Variants in SYT9 observed in about 807,000 individuals in gnomAD.
SYT9 encodes synaptotagmin 9, also known as synaptotagmin-9.
A neutral mutation model predicts 48.4 loss-of-function variants in SYT9; 22 were observed. The observed-to-expected ratio is 0.45, with a 90% CI of 0.32 to 0.65. The LOEUF is 0.65. SYT9 is among the 30% of genes least tolerant of loss of function. The pLI is 0.03. For synonymous variants in SYT9, 265 were observed against 245.0 expected (o/e 1.08, Z -0.76); for missense variants, 577 against 622.0 (o/e 0.93, Z 0.77).
At chr11:7,248,806 A>G (rs567264354), upstream of SYT9, among the ~76,000 whole-genome samples, 79 of 152,330 alleles carry the variant, frequency 5.2e-4, no homozygotes, top group Non-Finnish European at 6.9e-4. Flanking sequence ...TACCACCATC[A>G]TTCTTCATAA....
chr11:7,302,895 T>C (rs1369996654), intron 1 of SYT9, 144 bp from the exon 2 acceptor site: 4 of 682,656 alleles, frequency 5.9e-6, no homozygotes, highest in Non-Finnish European at 7.6e-6. Context: ...CAGAATTAAG[T>C]AACCCAGCCA....
At chr11:7,296,654 T>A (rs1174076559) in intron 1 of SYT9, among the ~76,000 whole-genome samples, 3 of 152,182 alleles carry the variant, frequency 2.0e-5, no homozygotes, top group Non-Finnish European at 2.9e-5. Flanking sequence ...AATATTATCT[T>A]TTTAAATTGC....
intron 3 of SYT9, among the ~76,000 whole-genome samples, chr11:7,390,468 C>T (rs1034360375): frequency 3.3e-5 from 5 of 151,998 alleles, no homozygotes; most frequent in African/African-American, 9.7e-5. Flanking sequence ...TTTTAAGAAA[C>T]GGTAGCAGTT....
intron 6 of SYT9, among the ~76,000 whole-genome samples, chr11:7,460,741 T>A (rs187709503): frequency 6.6e-6 from 1 of 152,322 alleles, no homozygotes; most frequent in Admixed American, 6.5e-5. Context: ...AGCATTTAGC[T>A]TAAAAACAAA....
intron 6 of SYT9, among the ~76,000 whole-genome samples, chr11:7,421,503 C>A (rs1177305716): frequency 2.0e-5 from 3 of 152,142 alleles, no homozygotes; most frequent in Non-Finnish European, 1.5e-5. Context: ...TCAATGTGTC[C>A]AACTAAAAAC....
intron 3 of SYT9, among the ~76,000 whole-genome samples, chr11:7,328,124 T>C (rs1849468348): frequency 6.6e-6 from 1 of 151,626 alleles, no homozygotes; most frequent in African/African-American, 2.4e-5. Flanking sequence ...TTTCTTTTAG[T>C]TTTGTCTTGT....
At chr11:7,398,820 C>G (rs72846039) in intron 3 of SYT9, among the ~76,000 whole-genome samples, 10,665 of 152,172 alleles carry the variant, frequency 0.07, 478 homozygotes, top group Middle Eastern at 0.17. Context: ...TCAAAACATA[C>G]AGCACACAAT....
At chr11:7,349,158 T>C (rs1849860056) in intron 3 of SYT9, among the ~76,000 whole-genome samples, 1 of 151,924 alleles carries the variant, frequency 6.6e-6, no homozygotes, top group Non-Finnish European at 1.5e-5. Context: ...CTCTCTTTAC[T>C]GGGGATTAAA....
At chr11:7,308,578 G>C (rs929133777) in intron 2 of SYT9, among the ~76,000 whole-genome samples, 1 of 152,186 alleles carries the variant, frequency 6.6e-6, no homozygotes, top group African/African-American at 2.4e-5. Flanking sequence ...CCTTATTGAC[G>C]TCTACAGCAT....
intron 1 of SYT9, among the ~76,000 whole-genome samples, chr11:7,261,026 G>T (rs984880139): frequency 2.6e-5 from 4 of 152,228 alleles, no homozygotes; most frequent in Non-Finnish European, 5.9e-5. Context: ...TGGCAGGCCT[G>T]CCTAGTGCCC....
chr11:7,355,886 G>A (rs1238951661), intron 3 of SYT9, among the ~76,000 whole-genome samples: 2 of 152,224 alleles, frequency 1.3e-5, no homozygotes, highest in Non-Finnish European at 2.9e-5. Context: ...TATACCAGGA[G>A]CTCATTGGTG....
At chr11:7,453,840 A>G (rs945678799) in intron 6 of SYT9, among the ~76,000 whole-genome samples, 10 of 152,186 alleles carry the variant, frequency 6.6e-5, no homozygotes, top group Non-Finnish European at 1.0e-4. Flanking sequence ...AACGAGAGGT[A>G]GAGTTGTAGG....
upstream of SYT9, among the ~76,000 whole-genome samples, chr11:7,249,228 C>A (rs532453803): frequency 1.6e-4 from 25 of 152,338 alleles, no homozygotes; most frequent in South Asian, 5.2e-3. Context: ...GATATTCTTT[C>A]TCCACATTGT....
At chr11:7,285,285 C>T (rs1041930273) in intron 1 of SYT9, among the ~76,000 whole-genome samples, 3 of 152,144 alleles carry the variant, frequency 2.0e-5, no homozygotes, top group African/African-American at 7.2e-5. Context: ...AGGAAACTTA[C>T]AATCATGGCA....
rs1435902111 is a variant in SYT9 at position 7,276,891 on chromosome 11, C to T, written c.145+24560C>T. Reference sequence around the variant, plus strand: ...CGAAACCTCATCTCTACTAAAAATACGAAAAAAAAAAAAATAGCTGGGTGT... The same window carrying T: ...CGAAACCTCATCTCTACTAAAAATATGAAAAAAAAAAAAATAGCTGGGTGT... On this transcript the variant is annotated intron_variant, in intron 1 of 6. Transcript: ENST00000318881. 3.4e-5 allele frequency among the ~76,000 whole-genome samples: 5 copies of T among 146,416 alleles called. No individual in the cohort carries two copies. The East Asian group carries it at 5.9e-4, about 17-fold the overall frequency.
chr11:7,431,288 T>C (rs1447062282), intron 6 of SYT9, among the ~76,000 whole-genome samples: 4 of 152,180 alleles, frequency 2.6e-5, no homozygotes, highest in African/African-American at 9.6e-5. Flanking sequence ...AGAGTGATGA[T>C]CTAGAGTATC....
At chr11:7,349,196 G>A (rs538817116) in intron 3 of SYT9, among the ~76,000 whole-genome samples, 1 of 152,048 alleles carries the variant, frequency 6.6e-6, no homozygotes. Context: ...CCGGGGACTG[G>A]GGGGAGGGGA....
intron 3 of SYT9, among the ~76,000 whole-genome samples, chr11:7,318,561 G>T (rs1027196416): frequency 6.6e-6 from 1 of 152,168 alleles, no homozygotes; most frequent in Non-Finnish European, 1.5e-5. Context: ...GGATCTGCCG[G>T]CCTTGGCTTC....
At chr11:7,344,237 C>T (rs1053173199) in intron 3 of SYT9, among the ~76,000 whole-genome samples, 2 of 151,958 alleles carry the variant, frequency 1.3e-5, no homozygotes, top group Non-Finnish European at 2.9e-5. Context: ...CTTCCTAAAT[C>T]CCCCATCTTT....
Sources: allele counts gnomAD v4.1 joint callset (sites outside exome capture counted in the v4.1 genomes callset), GRCh38; gene constraint gnomAD v4.1.1; transcripts MANE v1.5; gene names NCBI Gene and HGNC (gene_info 2026-07-23, HGNC 2026-07-21).